The following TET1 variants were observed in gnomAD, a reference collection of about 807,000 sequenced individuals.
TET1 encodes methylcytosine dioxygenase TET1.
A neutral mutation model predicts 148.7 loss-of-function variants in TET1; 13 were observed. The ratio of observed to expected loss-of-function variants is 0.09; its 90% CI spans 0.06 to 0.14. The LOEUF (loss-of-function observed/expected upper bound fraction) is 0.14. Ranked by LOEUF, TET1 falls within the 10% of genes least tolerant of loss-of-function variation. The pLI, the probability that TET1 is intolerant of heterozygous loss-of-function variation, is 1.00. For synonymous variants in TET1, 907 were observed against 937.2 expected (o/e 0.97, Z 0.59); for missense variants, 2,182 against 2,553.8 (o/e 0.85, Z 3.14).
rs142008363 is a variant in TET1 at position 68,572,720 on chromosome 10, G to T, written c.382G>T (p.Val128Phe). Reference sequence around the variant, plus strand: ...ACTGGTCGTAGCCAAATCCAAAAAGGTTCCACTTTCTAAGGGTTTAGAAAA... The same window carrying T: ...ACTGGTCGTAGCCAAATCCAAAAAGTTTCCACTTTCTAAGGGTTTAGAAAA... ...PPLVVAKSKK[V>F]PLSKGLEKQH... The change falls in exon 2 of 12, where the codon GTT becomes TTT. Residue 128 changes from valine (V) to phenylalanine (F), a missense_variant. Val to Phe is a conservative substitution (Grantham distance 50, BLOSUM62 -1). Transcript: ENST00000373644. 0.016 allele frequency: 26,182 copies of T among 1,614,026 alleles called. 406 individuals carry two copies. The highest frequency in any genetic ancestry group is 0.016 in the Non-Finnish European group (19,430 of 1,180,026).
chr10:68,654,162 A>G (rs2054985423), intron 6 of TET1, among the ~76,000 whole-genome samples: 1 of 149,406 alleles, frequency 6.7e-6, no homozygotes, highest in Non-Finnish European at 1.5e-5. Context: ...GGGGGAGGGA[A>G]CATTTAAGCT....
rs7916451 is a variant in TET1 at position 68,624,658 on chromosome 10, T to C, written c.1969-20040T>C. ...TTTCTTTCTTTCTTTCTTTCTTTCT[T>C]TCTCTCTCTCTCTCTCTCTCTCTCT... is the stretch of plus-strand genomic sequence containing the variant. On this transcript the variant is annotated intron_variant, in intron 3 of 11. Transcript: ENST00000373644. Among the ~76,000 whole-genome samples, 700 of 95,080 alleles carry C rather than the reference T, an allele frequency of 7.4e-3. 6 individuals are homozygous for C. Among genetic ancestry groups the C allele is most frequent in the African/African-American group, 0.015 (371 of 25,320 alleles). The allele number at this position is 95,080 out of a possible 152,430, so 62.4% of individuals were successfully genotyped here.
chr10:68,581,888 T>C (rs548433541), intron 2 of TET1, among the ~76,000 whole-genome samples: 47 of 151,702 alleles, frequency 3.1e-4, no homozygotes, highest in Non-Finnish European at 5.9e-4. Context: ...TCCCTGAAGA[T>C]AGGGTCTTCA....
At chr10:68,608,818 G>A (rs1030370548) in intron 3 of TET1, among the ~76,000 whole-genome samples, 5 of 152,136 alleles carry the variant, frequency 3.3e-5, no homozygotes, top group African/African-American at 4.8e-5. Flanking sequence ...TTACAGGCAT[G>A]AGCCAACATG....
At chr10:68,655,271 C>T (rs1301731374) in intron 6 of TET1, among the ~76,000 whole-genome samples, 1 of 152,168 alleles carries the variant, frequency 6.6e-6, no homozygotes, top group Admixed American at 6.5e-5. Context: ...TCTTGCTTTC[C>T]ACCTTTCCCT....
rs1427180025 is a variant in TET1, at chr10:68,691,962, G to T, written c.*148G>T. 2 of 965,740 alleles carry T rather than the reference G, an allele frequency of 2.1e-6. No individual in the cohort carries two copies. Among genetic ancestry groups the T allele is most frequent in the Non-Finnish European group, 3.0e-6 (2 of 668,102 alleles). 59.8% of individuals were successfully genotyped at this position (965,740 alleles called of 1,614,324 possible). A position where few individuals can be genotyped will look rare whatever the true frequency, so the allele number is the denominator to read the frequency against. On this transcript the variant is annotated 3_prime_UTR_variant, in exon 12 of 12. Coordinates refer to ENST00000373644, the MANE Select transcript of TET1 (RefSeq NM_030625.3). The surrounding 1 kb of genome is among the most constrained non-coding windows in gnomAD (Gnocchi z 4.4). The stretch of plus-strand genomic sequence containing the variant: ...AATAATAATGATAACAAAACGGGGT[G>T]GGTATTCTTAACTGTGACTATATTT...
At chr10:68,587,258 T>C (rs1433889276) in intron 2 of TET1, among the ~76,000 whole-genome samples, 1 of 152,250 alleles carries the variant, frequency 6.6e-6, no homozygotes, top group Admixed American at 6.5e-5. Context: ...GTGAGTTTTC[T>C]GTAAAAGTAG....
chr10:68,581,577 C>G (rs2053798619), intron 2 of TET1, among the ~76,000 whole-genome samples: 1 of 152,188 alleles, frequency 6.6e-6, no homozygotes, highest in South Asian at 2.1e-4. Context: ...GGGACTGGCA[C>G]ATGCCTGTAA....
At chr10:68,633,088 G>T (rs1242129156) in intron 3 of TET1, among the ~76,000 whole-genome samples, 2 of 152,068 alleles carry the variant, frequency 1.3e-5, no homozygotes, top group African/African-American at 4.8e-5. Context: ...TGAGGCTGAG[G>T]CAGGACAATC....
At chr10:68,632,647 G>A (rs1479685120) in intron 3 of TET1, 2 of 1,591,604 alleles carry the variant, frequency 1.3e-6, no homozygotes, top group Non-Finnish European at 1.7e-6. Flanking sequence ...AATTGCCAGA[G>A]AAGAAATTAA....
intron 3 of TET1, among the ~76,000 whole-genome samples, chr10:68,627,182 C>T (rs1051473159): frequency 6.6e-6 from 1 of 151,438 alleles, no homozygotes; most frequent in Non-Finnish European, 1.5e-5. Context: ...CCAAGGCGGG[C>T]GGATCACCTG....
At chr10:68,689,810 A>G (rs1053230620) in intron 11 of TET1, among the ~76,000 whole-genome samples, 1 of 152,100 alleles carries the variant, frequency 6.6e-6, no homozygotes, top group Non-Finnish European at 1.5e-5. Flanking sequence ...AACAGGGAGA[A>G]TGTCCTCAAG....
chr10:68,563,766 C>G (rs892603793), intron 1 of TET1, among the ~76,000 whole-genome samples: 6 of 152,348 alleles, frequency 3.9e-5, no homozygotes, highest in African/African-American at 4.8e-5. Flanking sequence ...ACTACAACCT[C>G]TGCCTCCGGG....
chr10:68,674,942 C>G, intron 8 of TET1: 1 of 370,272 alleles, frequency 2.7e-6, no homozygotes, highest in Non-Finnish European at 5.1e-6. Context: ...TCCATGATGT[C>G]TTTGTTAGAT....
Position 68,572,802 on chromosome 10 carries a change from A to C in TET1, c.464A>C (p.Asn155Thr). The C allele has an allele frequency of 6.2e-7, 1 of 1,614,184 alleles. No individual in the cohort carries two copies. Among genetic ancestry groups the C allele is most frequent in the Non-Finnish European group, 8.5e-7 (1 of 1,180,024 alleles). ...LPALGVKHSE[N>T]DSVPMQDTQV... ...GCTTTGGGAGTAAAGCACTCAGAAAATGATTCGGTTCCAATGCAAGACACC... is the reference window on the plus strand; with the variant it reads ...GCTTTGGGAGTAAAGCACTCAGAAACTGATTCGGTTCCAATGCAAGACACC... Residue 155 changes from asparagine to threonine, a missense_variant, in exon 2 of 12, where the codon AAT becomes ACT. Physicochemically the swap from Asn to Thr is moderately conservative, Grantham distance 65 (BLOSUM62 0). Coordinates refer to ENST00000373644, the MANE Select transcript of TET1 (RefSeq NM_030625.3).
At chr10:68,679,538 G>T (rs1046446344) in intron 8 of TET1, among the ~76,000 whole-genome samples, 3 of 152,164 alleles carry the variant, frequency 2.0e-5, no homozygotes, top group African/African-American at 7.2e-5. Flanking sequence ...CAGCCCACTG[G>T]ATACTTCCAG....
intron 1 of TET1, among the ~76,000 whole-genome samples, chr10:68,567,184 G>A (rs2053616632): frequency 6.6e-6 from 1 of 152,064 alleles, no homozygotes; most frequent in Admixed American, 6.6e-5. Flanking sequence ...TCCTGTGGGA[G>A]CCCATTGAAA....
chr10:68,594,410 A>T (rs2053954845), intron 2 of TET1, among the ~76,000 whole-genome samples: 1 of 152,098 alleles, frequency 6.6e-6, no homozygotes, highest in South Asian at 2.1e-4. Context: ...CTTTTTCCTC[A>T]ATTCTTGCTT....
intron 3 of TET1, among the ~76,000 whole-genome samples, chr10:68,625,656 C>G (rs1220432576): frequency 6.6e-6 from 1 of 152,142 alleles, no homozygotes; most frequent in Non-Finnish European, 1.5e-5. Context: ...GTCTTTGCAA[C>G]CTTCCTTAAT....
Sources: allele counts gnomAD v4.1 joint callset (sites outside exome capture counted in the v4.1 genomes callset), GRCh38; gene constraint gnomAD v4.1.1; non-coding constraint Gnocchi (gnomAD v3.1); transcripts MANE v1.5; gene names NCBI Gene and HGNC (gene_info 2026-07-23, HGNC 2026-07-21).